The following EZR variants were observed in gnomAD, a reference collection of about 807,000 sequenced individuals.
EZR encodes the protein ezrin, also known as cytovillin 2.
EZR carries 40 observed loss-of-function variants against 74.8 expected under a neutral mutation model. The ratio of observed to expected loss-of-function variants is 0.53; its 90% CI spans 0.42 to 0.70. The LOEUF is 0.70. EZR is among the 30% of genes least tolerant of loss of function. EZR has a pLI of 0.00. For synonymous variants in EZR, 341 were observed against 283.3 expected (o/e 1.20, Z -2.05); for missense variants, 678 against 755.8 (o/e 0.90, Z 1.21).
intron 10 of EZR, among the ~76,000 whole-genome samples, 154 bp from the exon 11 acceptor site, chr6:158,770,098 G>C (rs1419861526): frequency 1.3e-5 from 2 of 152,226 alleles, no homozygotes; most frequent in East Asian, 3.8e-4. Context: ...GCACTTCACA[G>C]AGCTCATTGC....
intron 2 of EZR, among the ~76,000 whole-genome samples, chr6:158,790,151 T>C (rs1484106708): frequency 6.6e-6 from 1 of 152,192 alleles, no homozygotes; most frequent in Non-Finnish European, 1.5e-5. Flanking sequence ...ATGGATTATG[T>C]AGTGATATTA....
chr6:158,809,140 A>G (rs982235891), intron 2 of EZR, among the ~76,000 whole-genome samples: 1 of 152,236 alleles, frequency 6.6e-6, no homozygotes, highest in Non-Finnish European at 1.5e-5. Flanking sequence ...TGCTGCCAGA[A>G]AAGACAAAAA....
intron 7 of EZR, among the ~76,000 whole-genome samples, chr6:158,779,948 C>T (rs918641908): frequency 6.6e-5 from 10 of 152,078 alleles, no homozygotes; most frequent in African/African-American, 2.4e-4. Flanking sequence ...TTTGGGAAGC[C>T]AAGGTGGGCA....
At chr6:158,814,036 C>T (rs962411661) in intron 2 of EZR, among the ~76,000 whole-genome samples, 2 of 152,078 alleles carry the variant, frequency 1.3e-5, no homozygotes, top group Non-Finnish European at 2.9e-5. Flanking sequence ...AGGATGCTTC[C>T]GGGACCAATG....
At chr6:158,771,102 G>A (rs1439265775) in intron 9 of EZR, 142 bp downstream of exon 9, 1 of 1,350,780 alleles carries the variant, frequency 7.4e-7, no homozygotes, top group East Asian at 2.4e-5. Flanking sequence ...AGAGACAAAG[G>A]CCTCGAAGAT....
intron 2 of EZR, among the ~76,000 whole-genome samples, chr6:158,803,628 TATACATACATATATATATATATATAC>T (rs1777263135): frequency 4.0e-5 from 1 of 25,220 alleles, no homozygotes; most frequent in Non-Finnish European, 8.8e-5. Context: ...TATATATACA[TATACATACATATATATATATATATAC>T]ATATATATAT....
intron 7 of EZR, among the ~76,000 whole-genome samples, chr6:158,781,463 G>A (rs903686957): frequency 1.3e-5 from 2 of 152,150 alleles, no homozygotes; most frequent in African/African-American, 2.4e-5. Context: ...CACAGCTCAC[G>A]TTTTTACTTG....
chr6:158,769,773 G>C lies in EZR; in HGVS notation c.1251+11C>G, dbSNP rs759447249. On this transcript the variant is annotated intron_variant, in intron 11 of 13. Transcript: ENST00000367075. Reference sequence around the variant, plus strand: ...TATAATTCAGCATCTTGAAACTCAGGCCATTCCTACCAGCTGCTCCTGGCT... The same window carrying C: ...TATAATTCAGCATCTTGAAACTCAGCCCATTCCTACCAGCTGCTCCTGGCT... 7.4e-6 allele frequency: 12 copies of C among 1,613,430 alleles called. No homozygotes were observed. The highest frequency in any genetic ancestry group is 1.0e-5 in the Non-Finnish European group (12 of 1,179,994).
chr6:158,770,057 AGGGG>A, intron 10 of EZR, 113 bp from the exon 11 acceptor site: 1 of 1,394,750 alleles, frequency 7.2e-7, no homozygotes, highest in Admixed American at 2.1e-5. Context: ...TCACAGGTTG[AGGGG>A]ATGTCTTCCA....
intron 2 of EZR, among the ~76,000 whole-genome samples, chr6:158,817,028 TG>T (rs372849237): frequency 1.3e-5 from 2 of 152,058 alleles, no homozygotes; most frequent in African/African-American, 4.8e-5. Context: ...GAGGTTGCAG[TG>T]AGCCGAGATC....
intron 7 of EZR, among the ~76,000 whole-genome samples, chr6:158,778,932 T>C (rs149197647): frequency 6.6e-6 from 1 of 152,326 alleles, no homozygotes; most frequent in East Asian, 1.9e-4. Context: ...AAAAAGTTTT[T>C]AAAAATCACA....
intron 2 of EZR, among the ~76,000 whole-genome samples, chr6:158,805,871 C>T (rs762660467): frequency 6.6e-6 from 1 of 152,212 alleles, no homozygotes; most frequent in Admixed American, 6.5e-5. Flanking sequence ...TTCCCCCATC[C>T]CTGCCCACAG....
In EZR at chr6:158,771,214, G is replaced by GC. The variant is rs140375264; in HGVS notation, c.959+29dup. The GC allele has an allele frequency of 8.2e-3, 12,851 of 1,568,024 alleles. 771 individuals are homozygous for GC. In the African/African-American group the frequency reaches 0.14, roughly 17 times the overall value. The stretch of plus-strand genomic sequence containing the variant: ...CAGTGGCTGAGTTGGGAGAACACAG[G>GC]CCCCCCCCACTCTGGCCTCACGCGC... On this transcript the variant is annotated intron_variant, in intron 9 of 13. Transcript: ENST00000367075.
At chr6:158,767,233 C>T (rs1485613670) in intron 13 of EZR, 28 bp downstream of exon 13, 2 of 1,598,816 alleles carry the variant, frequency 1.3e-6, no homozygotes, top group Non-Finnish European at 1.7e-6. Context: ...AGGCAGGCTC[C>T]CTGGAGACAG....
At chr6:158,803,129 A>C (rs1777224453) in intron 2 of EZR, among the ~76,000 whole-genome samples, 1 of 152,080 alleles carries the variant, frequency 6.6e-6, no homozygotes, top group Non-Finnish European at 1.5e-5. Flanking sequence ...CTAAATTCTT[A>C]ATGTGCAGCA....
intron 8 of EZR, among the ~76,000 whole-genome samples, 179 bp downstream of exon 8, chr6:158,776,229 A>G (rs1268322364): frequency 6.6e-6 from 1 of 152,216 alleles, no homozygotes; most frequent in Non-Finnish European, 1.5e-5. Context: ...AATCATTTGA[A>G]AAGTTAAGTG....
intron 2 of EZR, among the ~76,000 whole-genome samples, chr6:158,798,389 G>C (rs1445111070): frequency 6.6e-6 from 1 of 152,208 alleles, no homozygotes; most frequent in African/African-American, 2.4e-5. Flanking sequence ...TGGGTTTACT[G>C]TTTTTAAGTT....
At chr6:158,787,267 G>T in intron 3 of EZR, 64 bp from the exon 4 acceptor site, 1 of 1,399,672 alleles carries the variant, frequency 7.1e-7, no homozygotes, top group Non-Finnish European at 1.0e-6. Flanking sequence ...AACAGCTTTT[G>T]GCTGTCGTTC....
At chr6:158,801,556 T>C (rs772566249) in intron 2 of EZR, among the ~76,000 whole-genome samples, 5 of 152,308 alleles carry the variant, frequency 3.3e-5, no homozygotes, top group East Asian at 3.9e-4. Flanking sequence ...TGCAGCACAA[T>C]AACAAAAACA....
Sources: allele counts gnomAD v4.1 joint callset (sites outside exome capture counted in the v4.1 genomes callset), GRCh38; gene constraint gnomAD v4.1.1; transcripts MANE v1.5; gene names NCBI Gene and HGNC (gene_info 2026-07-23, HGNC 2026-07-21).